The following GRID2 variants were observed in gnomAD, a reference collection of about 807,000 sequenced individuals.
GRID2 encodes the protein glutamate ionotropic receptor delta type subunit 2.
Under a neutral mutation model 114.8 loss-of-function variants are expected in GRID2, and 33 were observed. The ratio of observed to expected loss-of-function variants is 0.29; its 90% CI spans 0.22 to 0.38. The LOEUF is 0.38. GRID2 is among the 10% of genes least tolerant of loss of function. GRID2 has a pLI of 1.00. For synonymous variants in GRID2, 505 were observed against 449.9 expected (o/e 1.12, Z -1.55); for missense variants, 1,184 against 1,257.7 (o/e 0.94, Z 0.89).
chr4:92,311,226 A>G (rs1450755016), intron 1 of GRID2, among the ~76,000 whole-genome samples: 2 of 152,080 alleles, frequency 1.3e-5, no homozygotes, highest in East Asian at 1.9e-4. Flanking sequence ...TGCATCAGGA[A>G]TATTAACATA....
At position 92,818,885 on chromosome 4, in the gene GRID2, G is replaced by A. The variant is rs145108848; in HGVS notation, c.244+228599G>A. Among the ~76,000 whole-genome samples, 1,280 of 152,142 alleles carry A rather than the reference G, an allele frequency of 8.4e-3. 21 individuals carry two copies. The highest frequency in any genetic ancestry group is 0.027 in the African/African-American group (1,101 of 41,518). On this transcript the variant is annotated intron_variant, in intron 2 of 15. Coordinates refer to ENST00000282020, the MANE Select transcript of GRID2 (RefSeq NM_001510.4). Reference sequence around the variant, plus strand: ...ATCTTGAAGCCCAAATTATATAATTGTATCTGTAATTTATCTGCTTGATAT... The same window carrying A: ...ATCTTGAAGCCCAAATTATATAATTATATCTGTAATTTATCTGCTTGATAT...
chr4:93,203,421 GT>G (rs752704811), intron 4 of GRID2, among the ~76,000 whole-genome samples: 1 of 151,854 alleles, frequency 6.6e-6, no homozygotes, highest in African/African-American at 2.4e-5. Context: ...AGACATATCT[GT>G]TTTTTTATTC....
chr4:92,617,435 T>C (rs935922918), intron 2 of GRID2, among the ~76,000 whole-genome samples: 1 of 151,704 alleles, frequency 6.6e-6, no homozygotes, highest in Non-Finnish European at 1.5e-5. Flanking sequence ...ATTATATAAA[T>C]TATTTTTGGC....
intron 8 of GRID2, among the ~76,000 whole-genome samples, chr4:93,302,100 T>C (rs532717125): frequency 1.8e-4 from 27 of 152,178 alleles, no homozygotes; most frequent in African/African-American, 5.8e-4. Flanking sequence ...GAAGAAAAAA[T>C]ATGTATTTTC....
intron 8 of GRID2, among the ~76,000 whole-genome samples, chr4:93,270,615 G>C (rs1178912457): frequency 6.6e-6 from 1 of 151,792 alleles, no homozygotes; most frequent in Non-Finnish European, 1.5e-5. Flanking sequence ...TCTTCTTCTT[G>C]TTTTTGTTTT....
Position 92,327,366 on chromosome 4 carries a change from T to TTGTGTG in GRID2, c.88+22637_88+22642dup, listed in dbSNP as rs33960256. 3.9e-3 allele frequency among the ~76,000 whole-genome samples: 592 copies of TTGTGTG among 150,066 alleles called. 1 individual carries two copies. The highest frequency in any genetic ancestry group is 0.014 in the African/African-American group (569 of 41,116). On this transcript the variant is annotated intron_variant, in intron 1 of 15. Transcript: ENST00000282020. Reference sequence around the variant, plus strand: ...ACATTCCTGCCTGTAATCCTAGATTTTGTGTGTGTGTGTGTGTGTGCCTTC... The same window carrying TTGTGTG: ...ACATTCCTGCCTGTAATCCTAGATTTTGTGTGTGTGTGTGTGTGTGTGTGTGCCTTC...
chr4:93,672,642 G>T (rs1305559541), intron 14 of GRID2, among the ~76,000 whole-genome samples: 1 of 151,986 alleles, frequency 6.6e-6, no homozygotes, highest in East Asian at 1.9e-4. Flanking sequence ...ACTAATTGTT[G>T]TTGAATATTT....
At chr4:93,219,080 A>AT (rs1324372862) in intron 6 of GRID2, among the ~76,000 whole-genome samples, 1 of 152,194 alleles carries the variant, frequency 6.6e-6, no homozygotes, top group Non-Finnish European at 1.5e-5. Flanking sequence ...CAATATGCTT[A>AT]TAATGTCCCA....
intron 1 of GRID2, among the ~76,000 whole-genome samples, chr4:92,583,372 A>G (rs577331583): frequency 1.3e-5 from 2 of 152,162 alleles, no homozygotes; most frequent in South Asian, 2.1e-4. Flanking sequence ...AATTTGATGT[A>G]TATCCAGCAC....
At chr4:93,529,240 A>G (rs559853195) in intron 13 of GRID2, among the ~76,000 whole-genome samples, 1 of 152,312 alleles carries the variant, frequency 6.6e-6, no homozygotes, top group East Asian at 1.9e-4. Flanking sequence ...GGTGGGACCC[A>G]AGAATTAAAT....
chr4:93,810,161 G>A (rs141040200), downstream of GRID2: 1 of 152,240 alleles, frequency 6.6e-6, no homozygotes, highest in African/African-American at 2.4e-5. Flanking sequence ...TCGTACAGTA[G>A]CCTTTCTTGT....
intron 2 of GRID2, among the ~76,000 whole-genome samples, chr4:92,961,284 A>T (rs1009160933): frequency 1.3e-5 from 2 of 151,458 alleles, no homozygotes; most frequent in African/African-American, 4.8e-5. Context: ...CTTTATGTTG[A>T]TACAAGTTTC....
At chr4:92,891,927 A>G (rs887021087) in intron 2 of GRID2, among the ~76,000 whole-genome samples, 8 of 152,216 alleles carry the variant, frequency 5.3e-5, no homozygotes, top group Non-Finnish European at 8.8e-5. Flanking sequence ...TATTGCATTA[A>G]CATATTGAGA....
chr4:93,052,759 T>G (rs182672613), intron 2 of GRID2, among the ~76,000 whole-genome samples: 35 of 151,986 alleles, frequency 2.3e-4, no homozygotes, highest in Admixed American at 6.6e-4. Context: ...TTTAAAAAGT[T>G]TACTCTTCTC....
chr4:93,083,313 A>G (rs1198318387), intron 2 of GRID2, among the ~76,000 whole-genome samples: 1 of 152,096 alleles, frequency 6.6e-6, no homozygotes, highest in East Asian at 1.9e-4. Flanking sequence ...ATACACTTAT[A>G]TTATTTTCTA....
At chr4:93,046,235 C>T (rs1267510956) in intron 2 of GRID2, among the ~76,000 whole-genome samples, 2 of 152,092 alleles carry the variant, frequency 1.3e-5, no homozygotes, top group East Asian at 3.9e-4. Context: ...CATGATATTA[C>T]ATTTTTTGCA....
At chr4:92,549,200 T>TTGCAC (rs1019656666) in intron 1 of GRID2, among the ~76,000 whole-genome samples, 2 of 152,050 alleles carry the variant, frequency 1.3e-5, no homozygotes, top group African/African-American at 2.4e-5. Context: ...CACATTGATT[T>TTGCAC]TGCACTTTGA....
At chr4:93,459,899 C>T (rs1723577815) in intron 11 of GRID2, among the ~76,000 whole-genome samples, 1 of 152,160 alleles carries the variant, frequency 6.6e-6, no homozygotes, top group Non-Finnish European at 1.5e-5. Context: ...TTCATTTCTT[C>T]CTCTTTCTCA....
chr4:93,802,291 AT>A (rs995233570), intron 1 of GRID2, among the ~76,000 whole-genome samples: 1 of 152,160 alleles, frequency 6.6e-6, no homozygotes, highest in African/African-American at 2.4e-5. Flanking sequence ...CATCACTTAC[AT>A]TTATCTTATT....
Sources: gnomAD v4.1 joint callset for allele counts (sites outside exome capture counted in the v4.1 genomes callset) on GRCh38, gnomAD v4.1.1 for gene constraint, MANE v1.5 for transcripts, NCBI Gene and HGNC (gene_info 2026-07-23, HGNC 2026-07-21) for gene names.